The following LRRC8D variants were observed in gnomAD, a reference collection of about 807,000 sequenced individuals.
LRRC8D encodes the protein leucine rich repeat containing 8 VRAC subunit D.
A neutral mutation model predicts 55.8 loss-of-function variants in LRRC8D; 20 were observed. The observed-to-expected ratio is 0.36, with a 90% CI of 0.25 to 0.52. The LOEUF (loss-of-function observed/expected upper bound fraction) is 0.52, where lower values mean the gene tolerates loss of function less well. LRRC8D is among the 20% of genes least tolerant of loss of function. The probability of loss-of-function intolerance (pLI) is 0.93; values close to 1 mark genes in which losing one functional copy is unlikely to be tolerated. For synonymous variants in LRRC8D, 352 were observed against 377.0 expected, an observed-to-expected ratio of 0.93 and a Z score of 0.77; for missense variants, 651 against 1,030.8, an observed-to-expected ratio of 0.63 and a Z score of 5.05.
intron 1 of LRRC8D, among the ~76,000 whole-genome samples, chr1:89,841,193 T>C (rs780978985): frequency 1.3e-5 from 2 of 152,194 alleles, no homozygotes; most frequent in Non-Finnish European, 2.9e-5. Flanking sequence ...AGAAGTCTTT[T>C]AGTAAGAAGC....
Position 89,935,295 on chromosome 1 carries a change from A to G in LRRC8D, c.2227A>G (p.Met743Val), listed in dbSNP as rs999098609. 9.9e-6 allele frequency: 16 copies of G among 1,614,110 alleles called. No individual in the cohort carries two copies. In the African/African-American group the frequency reaches 1.5e-4, roughly 15 times the overall value. The change falls in exon 3 of 3, where the codon ATG becomes GTG. Residue 743 changes from methionine (M) to valine (V), a missense_variant. Met to Val is a conservative substitution (Grantham distance 21). This residue lies in a region of LRRC8D where 338 missense variants were observed against 479.4 expected (regional missense o/e 0.71). Transcript: ENST00000337338. The part of the protein sequence containing the change: ...CLDVSYNNIS[M>V]IPIEIGLLQN... ...AGATGTGAGCTACAACAACATTTCA[A>G]TGATTCCAATAGAAATAGGATTGCT... is the stretch of plus-strand genomic sequence containing the variant.
At chr1:89,831,967 T>A (rs1660897805) in intron 1 of LRRC8D, among the ~76,000 whole-genome samples, 1 of 152,192 alleles carries the variant, frequency 6.6e-6, no homozygotes, top group South Asian at 2.1e-4. Flanking sequence ...CCAGCTTGTT[T>A]TGCTTTTGAA....
intron 1 of LRRC8D, among the ~76,000 whole-genome samples, chr1:89,840,456 G>T (rs376880053): frequency 6.6e-6 from 1 of 152,156 alleles, no homozygotes; most frequent in East Asian, 1.9e-4. Flanking sequence ...AAGGAGGAGG[G>T]TTTGGGTTTA....
At chr1:89,882,721 A>G (rs1662316102) in intron 2 of LRRC8D, among the ~76,000 whole-genome samples, 1 of 152,238 alleles carries the variant, frequency 6.6e-6, no homozygotes, top group Non-Finnish European at 1.5e-5. Flanking sequence ...ATGGATAAAT[A>G]ACTGTGTATT....
chr1:89,895,564 C>A (rs1402835066), intron 2 of LRRC8D, among the ~76,000 whole-genome samples: 14 of 151,988 alleles, frequency 9.2e-5, no homozygotes, highest in Admixed American at 9.2e-4. Context: ...TGTTTTTTTA[C>A]TTTTAATTTT....
At chr1:89,885,288 T>C (rs1350176830) in intron 2 of LRRC8D, among the ~76,000 whole-genome samples, 1 of 152,208 alleles carries the variant, frequency 6.6e-6, no homozygotes, top group Non-Finnish European at 1.5e-5. Flanking sequence ...CCTTTGTTCA[T>C]GGTGATCTTC....
chr1:89,872,820 T>A (rs1662054685), intron 2 of LRRC8D, among the ~76,000 whole-genome samples: 1 of 152,186 alleles, frequency 6.6e-6, no homozygotes, highest in Non-Finnish European at 1.5e-5. Context: ...AGGTAGACAG[T>A]ACATGATTAG....
At chr1:89,846,440 G>C (rs776567051) in intron 2 of LRRC8D, 3 of 151,828 alleles carry the variant, frequency 2.0e-5, no homozygotes, top group Non-Finnish European at 4.4e-5. Flanking sequence ...GATGTAACTT[G>C]TCAGTGGTCG....
chr1:89,927,338 C>A (rs1322451213), intron 2 of LRRC8D, among the ~76,000 whole-genome samples: 1 of 151,958 alleles, frequency 6.6e-6, no homozygotes, highest in African/African-American at 2.4e-5. Flanking sequence ...CCTGAGTGTA[C>A]AGATCACATT....
intron 1 of LRRC8D, among the ~76,000 whole-genome samples, chr1:89,838,478 T>G (rs1661056494): frequency 6.6e-6 from 1 of 152,194 alleles, no homozygotes; most frequent in African/African-American, 2.4e-5. Context: ...AAAACATGCT[T>G]TCCAAAGAAG....
chr1:89,843,595 T>TG, intron 1 of LRRC8D, 43 bp from the exon 2 acceptor site: 2 of 692,938 alleles, frequency 2.9e-6, no homozygotes, highest in African/African-American at 1.8e-5. Flanking sequence ...CTGCCGACAC[T>TG]TGGATCTCTC....
intron 2 of LRRC8D, among the ~76,000 whole-genome samples, chr1:89,932,553 T>C (rs1242699624): frequency 6.6e-6 from 1 of 152,098 alleles, no homozygotes; most frequent in Admixed American, 6.6e-5. Flanking sequence ...CCCTTAGAAG[T>C]TTTCATCCCT....
intron 2 of LRRC8D, among the ~76,000 whole-genome samples, chr1:89,887,323 T>C (rs1164834412): frequency 6.6e-6 from 1 of 152,242 alleles, no homozygotes; most frequent in Non-Finnish European, 1.5e-5. Context: ...TAGCATTCAC[T>C]AAATGCTTGT....
At chr1:89,844,137 C>T (rs954375614) in intron 2 of LRRC8D, among the ~76,000 whole-genome samples, 2 of 152,198 alleles carry the variant, frequency 1.3e-5, no homozygotes, top group Non-Finnish European at 2.9e-5. Context: ...GAAGCAGCAG[C>T]TCTTTGTTCC....
At chr1:89,880,802 GTTAGA>G (rs1276852395) in intron 2 of LRRC8D, among the ~76,000 whole-genome samples, 1 of 152,066 alleles carries the variant, frequency 6.6e-6, no homozygotes, top group Non-Finnish European at 1.5e-5. Context: ...AATACAGAAT[GTTAGA>G]TTAATTTTTT....
intron 1 of LRRC8D, among the ~76,000 whole-genome samples, chr1:89,823,011 C>T (rs182278873): frequency 2.3e-4 from 35 of 152,140 alleles, no homozygotes; most frequent in African/African-American, 8.4e-4. Context: ...TTATGGAGCC[C>T]CCCATAAAAT....
At chr1:89,866,541 T>C (rs1000658611) in intron 2 of LRRC8D, among the ~76,000 whole-genome samples, 27 of 152,376 alleles carry the variant, frequency 1.8e-4, no homozygotes, top group African/African-American at 5.5e-4. Context: ...ATAGACTGTG[T>C]ACAAAAATAC....
chr1:89,856,659 G>C (rs1030483636), intron 2 of LRRC8D, among the ~76,000 whole-genome samples: 3 of 152,122 alleles, frequency 2.0e-5, no homozygotes, highest in Admixed American at 6.5e-5. Flanking sequence ...AAATCCCTTA[G>C]GTATTTTAAA....
At chr1:89,928,070 A>ATTTTGTT (rs1331230113) in intron 2 of LRRC8D, among the ~76,000 whole-genome samples, 4 of 152,084 alleles carry the variant, frequency 2.6e-5, no homozygotes, top group Admixed American at 6.5e-5. Flanking sequence ...TTAGAAACAG[A>ATTTTGTT]TTTTGTTTTT....
Sources: allele counts gnomAD v4.1 joint callset (sites outside exome capture counted in the v4.1 genomes callset), GRCh38; gene constraint gnomAD v4.1.1; regional missense constraint gnomAD v4.1.1; transcripts MANE v1.5; gene names NCBI Gene and HGNC (gene_info 2026-07-23, HGNC 2026-07-21).